The following WWOX variants were observed in gnomAD, a reference collection of about 807,000 sequenced individuals.
The protein encoded by WWOX is WW domain-containing oxidoreductase.
WWOX carries 69 observed loss-of-function variants against 46.2 expected under a neutral mutation model. That is an observed-to-expected ratio of 1.49 (90% CI 1.23 to 1.82). WWOX has a LOEUF of 1.82. WWOX is among the 40% of genes most tolerant of loss of function. The pLI is 0.00. For missense variants in WWOX, 919 were observed against 542.6 expected (o/e 1.69, Z -6.89); for synonymous variants, 359 against 202.6 (o/e 1.77, Z -6.56).
chr16:78,783,894 TGGTGATGAC>T (rs1423214569), intron 8 of WWOX, among the ~76,000 whole-genome samples: 2 of 145,558 alleles, frequency 1.4e-5, no homozygotes, highest in African/African-American at 2.5e-5. Context: ...ATGGTGATGA[TGGTGATGAC>T]GATGGTGATG....
At chr16:78,356,058 GA>G (rs1454698113) in intron 5 of WWOX, among the ~76,000 whole-genome samples, 3 of 51,032 alleles carry the variant, frequency 5.9e-5, no homozygotes, top group South Asian at 5.7e-4. Flanking sequence ...TGACCACCAA[GA>G]TTTTTTTTTC....
At chr16:78,762,472 C>T (rs1049150276) in intron 8 of WWOX, among the ~76,000 whole-genome samples, 2 of 152,206 alleles carry the variant, frequency 1.3e-5, no homozygotes, top group African/African-American at 4.8e-5. Flanking sequence ...GTGAGCCTTC[C>T]TTATGTGCTC....
intron 8 of WWOX, among the ~76,000 whole-genome samples, chr16:78,904,833 A>G (rs2044920441): frequency 6.6e-6 from 1 of 152,110 alleles, no homozygotes; most frequent in African/African-American, 2.4e-5. Flanking sequence ...ATATTTCTTA[A>G]TTAAGTGCAG....
intron 8 of WWOX, among the ~76,000 whole-genome samples, chr16:78,714,617 A>C (rs932697046): frequency 1.3e-5 from 2 of 152,174 alleles, no homozygotes; most frequent in Non-Finnish European, 2.9e-5. Flanking sequence ...TCAGTTACTT[A>C]AAAGTGTGGA....
intron 8 of WWOX, among the ~76,000 whole-genome samples, chr16:78,530,618 G>A (rs1366959184): frequency 2.0e-5 from 3 of 152,116 alleles, no homozygotes; most frequent in Non-Finnish European, 4.4e-5. Flanking sequence ...TTGTGGAAAA[G>A]GCAATATTTG....
At chr16:78,656,601 C>G (rs1480041825) in intron 8 of WWOX, among the ~76,000 whole-genome samples, 1 of 152,180 alleles carries the variant, frequency 6.6e-6, no homozygotes, top group African/African-American at 2.4e-5. Context: ...ATGAGAACAG[C>G]AAGGGGGAAA....
At chr16:79,011,770 G>A (rs1207086311) in intron 8 of WWOX, among the ~76,000 whole-genome samples, 1 of 151,980 alleles carries the variant, frequency 6.6e-6, no homozygotes, top group African/African-American at 2.4e-5. Flanking sequence ...TGGGATTACA[G>A]GCATGAGCCA....
intron 8 of WWOX, among the ~76,000 whole-genome samples, chr16:78,783,811 A>G (rs940583850): frequency 2.0e-5 from 3 of 151,734 alleles, no homozygotes; most frequent in African/African-American, 7.3e-5. Context: ...GATGGTGATG[A>G]TGATGGTGAT....
At chr16:78,855,621 A>C (rs1386702200) in intron 8 of WWOX, among the ~76,000 whole-genome samples, 3 of 152,216 alleles carry the variant, frequency 2.0e-5, no homozygotes, top group African/African-American at 7.2e-5. Context: ...TTCTAGAGCT[A>C]ACCGAAGAGG....
At chr16:78,374,777 C>G (rs2081778613) in intron 5 of WWOX, among the ~76,000 whole-genome samples, 1 of 151,944 alleles carries the variant, frequency 6.6e-6, no homozygotes, top group Non-Finnish European at 1.5e-5. Flanking sequence ...GTCTTGATCT[C>G]CTGACCTTGT....
chr16:79,047,213 A>G (rs1018667493), intron 8 of WWOX, among the ~76,000 whole-genome samples: 2 of 152,178 alleles, frequency 1.3e-5, no homozygotes, highest in Admixed American at 6.5e-5. Context: ...GGGGAGGGAA[A>G]GAGACACAAA....
intron 6 of WWOX, among the ~76,000 whole-genome samples, chr16:78,392,125 G>A (rs1167225064): frequency 6.6e-6 from 1 of 151,930 alleles, no homozygotes; most frequent in Non-Finnish European, 1.5e-5. Flanking sequence ...GTTATAAATT[G>A]GGTGGCATGG....
intron 8 of WWOX, chr16:78,873,420 T>A (rs2044169608): frequency 6.6e-6 from 1 of 152,146 alleles, no homozygotes. Context: ...ATTTACCATC[T>A]AGCAGATGTG....
chr16:79,202,461 T>G (rs978421049), intron 8 of WWOX, among the ~76,000 whole-genome samples: 43 of 152,188 alleles, frequency 2.8e-4, no homozygotes, highest in African/African-American at 1.0e-3. Flanking sequence ...TTCTAGATGT[T>G]TTTTAGGAAA....
chr16:79,195,837 G>A (rs388512), intron 8 of WWOX, among the ~76,000 whole-genome samples: 4 of 152,006 alleles, frequency 2.6e-5, no homozygotes, highest in Non-Finnish European at 5.9e-5. Flanking sequence ...GCAAATGTGT[G>A]AGGAATTATA....
At chr16:78,377,712 G>T (rs2081863509) in intron 5 of WWOX, among the ~76,000 whole-genome samples, 1 of 152,116 alleles carries the variant, frequency 6.6e-6, no homozygotes, top group Admixed American at 6.6e-5. Context: ...TTAGTTTCTG[G>T]CAGGATAAGC....
At chr16:78,881,466 C>G (rs569847386) in intron 8 of WWOX, among the ~76,000 whole-genome samples, 29 of 152,210 alleles carry the variant, frequency 1.9e-4, no homozygotes, top group South Asian at 1.0e-3. Flanking sequence ...TAAAAGTTTC[C>G]AATGCATTTA....
At chr16:79,137,846 G>A (rs1364289462) in intron 8 of WWOX, among the ~76,000 whole-genome samples, 1 of 152,128 alleles carries the variant, frequency 6.6e-6, no homozygotes, top group African/African-American at 2.4e-5. Flanking sequence ...CCGTCCTGGG[G>A]AGGCTGGGTC....
chr16:79,027,941 T>C (rs1398649293), intron 8 of WWOX, among the ~76,000 whole-genome samples: 1 of 151,668 alleles, frequency 6.6e-6, no homozygotes. Flanking sequence ...TCCTTTGTTT[T>C]TCTTTTTTGT....
Sources: gnomAD v4.1 joint callset for allele counts (sites outside exome capture counted in the v4.1 genomes callset) on GRCh38, gnomAD v4.1.1 for gene constraint, MANE v1.5 for transcripts, NCBI Gene and HGNC (gene_info 2026-07-23, HGNC 2026-07-21) for gene names.